The following GLIS3 variants were observed in gnomAD, a reference collection of about 807,000 sequenced individuals.
GLIS3 encodes the protein GLIS family zinc finger 3, also known as zinc finger protein GLIS3.
In GLIS3, 53 loss-of-function variants were observed where a neutral mutation model predicts 78.6. The observed-to-expected ratio is 0.67, with a 90% CI of 0.54 to 0.85. The LOEUF (loss-of-function observed/expected upper bound fraction) is 0.85, where lower values mean the gene tolerates loss of function less well. Among genes scored for constraint, GLIS3 ranks in the 40% least tolerant of loss-of-function variants. GLIS3 has a pLI of 0.00. For synonymous variants in GLIS3, 684 were observed against 509.9 expected (o/e 1.34, Z -4.60); for missense variants, 1,703 against 1,231.1 (o/e 1.38, Z -5.74).
chr9:4,350,764 A>C (rs1343311300), upstream of GLIS3, among the ~76,000 whole-genome samples: 2 of 146,058 alleles, frequency 1.4e-5, no homozygotes, highest in African/African-American at 2.6e-5. Flanking sequence ...TTCTACCCAA[A>C]ATGCCTTGGG....
intron 3 of GLIS3, among the ~76,000 whole-genome samples, chr9:4,122,827 G>C (rs1832288043): frequency 6.6e-6 from 1 of 152,134 alleles, no homozygotes. Context: ...CAGCACCTCA[G>C]CCTTGTCATT....
chr9:4,319,863 T>C (rs529373224), intron 2 of GLIS3, among the ~76,000 whole-genome samples: 10 of 152,310 alleles, frequency 6.6e-5, no homozygotes, highest in African/African-American at 1.9e-4. Context: ...ATCAGTAATA[T>C]GAGTAAACTA....
At chr9:4,236,184 C>CAAAAAAAAA (rs59839951) in intron 2 of GLIS3, among the ~76,000 whole-genome samples, 54 of 84,252 alleles carry the variant, frequency 6.4e-4, no homozygotes, top group African/African-American at 1.0e-3. Context: ...GTGGTTGTCA[C>CAAAAAAAAA]AAAAAAAAAA....
Position 3,894,744 on chromosome 9 carries a change from A to C in GLIS3, c.2128+3947T>G, listed in dbSNP as rs181901621. On this transcript the variant is annotated intron_variant, in intron 7 of 10. Transcript: ENST00000381971. ...ATTTTTTTTTTTTTCTTAAAAATCT[A>C]AGGTTACATTCAAAATTTGGATAAT... Among the ~76,000 whole-genome samples the C allele has an allele frequency of 5.4e-4, 82 of 152,104 alleles. No homozygotes were observed. The Middle Eastern group carries it at 0.014, about 25-fold the overall frequency.
chr9:4,219,791 G>A (rs977050801), intron 2 of GLIS3, among the ~76,000 whole-genome samples: 15 of 152,170 alleles, frequency 9.9e-5, no homozygotes, highest in African/African-American at 2.7e-4. Flanking sequence ...GCAGGTCCAC[G>A]CAGAGCAAAG....
At chr9:3,963,501 G>C (rs1817716865) in intron 4 of GLIS3, among the ~76,000 whole-genome samples, 1 of 152,106 alleles carries the variant, frequency 6.6e-6, no homozygotes, top group Non-Finnish European at 1.5e-5. Flanking sequence ...TTTGGTGCTT[G>C]GCCAAGTGGC....
chr9:4,316,494 A>G (rs551502860), intron 2 of GLIS3, among the ~76,000 whole-genome samples: 2 of 152,364 alleles, frequency 1.3e-5, no homozygotes, highest in East Asian at 3.9e-4. Context: ...TGAGAAAAAC[A>G]AAATCAGTTC....
rs982555657 is a variant in GLIS3, at chr9:4,228,773, T to A, written c.388+57265A>T. Among the ~76,000 whole-genome samples, 4 of 152,104 alleles carry A rather than the reference T, an allele frequency of 2.6e-5. 1 individual carries two copies. The highest frequency in any genetic ancestry group is 5.9e-5 in the Non-Finnish European group (4 of 68,026). On this transcript the variant is annotated intron_variant, in intron 2 of 10. Transcript: ENST00000381971. ...GCTTCCTCTCTACATACAGCCCAAA[T>A]ACAGAAATTGCTGGTGCCACCTATT...
the GLIS3 span, among the ~76,000 whole-genome samples, chr9:4,371,992 T>G: frequency 6.6e-6 from 1 of 152,210 alleles, no homozygotes; most frequent in Admixed American, 6.5e-5. Context: ...GTCAGCCCCC[T>G]TCTGGTCCAG....
At chr9:4,448,318 C>T in the GLIS3 span, among the ~76,000 whole-genome samples, 1 of 152,186 alleles carries the variant, frequency 6.6e-6, no homozygotes, top group African/African-American at 2.4e-5. Flanking sequence ...AACAAAGCCA[C>T]ACAAGTAGAG....
chr9:4,271,860 G>C (rs373217105), intron 2 of GLIS3, among the ~76,000 whole-genome samples: 1 of 152,172 alleles, frequency 6.6e-6, no homozygotes, highest in Non-Finnish European at 1.5e-5. Flanking sequence ...TGTGGGGTCG[G>C]AGCAAACCTG....
rs757964651 is a variant in GLIS3, at chr9:4,118,358, C to T, written c.1120G>A (p.Val374Met). The change falls in exon 4 of 11, where the codon GTG becomes ATG. Residue 374 changes from valine to methionine, a missense_variant. By Grantham distance (21) the Val-to-Met change is conservative (BLOSUM62 1). Coordinates refer to ENST00000381971, the MANE Select transcript of GLIS3 (RefSeq NM_001042413.2). This position sits in a 1 kb window ranked among gnomAD's most constrained non-coding sequence, Gnocchi z 4.7. The part of the protein sequence containing the change: ...PVPGSQKGVL[V>M]APGGLALPAY... ...GGCAGCGCCAGGCCTCCAGGGGCCA[C>T]CAGCACGCCCTTCTGGCTGCCGGGC... 6.3e-7 allele frequency: 1 copy of T among 1,586,318 alleles called. No homozygotes were observed. The highest frequency in any genetic ancestry group is 1.8e-5 in the Admixed American group (1 of 56,918).
chr9:3,846,356 G>C (rs1819040457), intron 9 of GLIS3, among the ~76,000 whole-genome samples: 1 of 152,162 alleles, frequency 6.6e-6, no homozygotes. Flanking sequence ...ATGAGTTAGG[G>C]CATGGTACTT....
At chr9:4,053,661 C>A (rs980513626) in intron 4 of GLIS3, among the ~76,000 whole-genome samples, 1 of 132,188 alleles carries the variant, frequency 7.6e-6, no homozygotes. Context: ...AGCTACAAGA[C>A]AGAGGAAGAG....
chr9:3,929,666 A>T (rs898818763), intron 6 of GLIS3, among the ~76,000 whole-genome samples: 2 of 152,182 alleles, frequency 1.3e-5, no homozygotes, highest in Non-Finnish European at 2.9e-5. Flanking sequence ...CCCATGACTA[A>T]CAGGGTGTGA....
At chr9:4,199,620 C>A (rs1189512758) in intron 2 of GLIS3, among the ~76,000 whole-genome samples, 1 of 151,326 alleles carries the variant, frequency 6.6e-6, no homozygotes, top group Admixed American at 6.6e-5. Context: ...ATCCTAAATA[C>A]ATATGCACCT....
chr9:4,264,809 T>C (rs1587216591), intron 2 of GLIS3, among the ~76,000 whole-genome samples: 1 of 152,110 alleles, frequency 6.6e-6, no homozygotes, highest in Non-Finnish European at 1.5e-5. Context: ...GAACATAAGG[T>C]GAGTGCAGTT....
chr9:3,917,739 T>C (rs1188434706), intron 6 of GLIS3, among the ~76,000 whole-genome samples: 2 of 152,170 alleles, frequency 1.3e-5, no homozygotes, highest in Non-Finnish European at 2.9e-5. Flanking sequence ...TTCTGACTTC[T>C]TTCAACCCCA....
At chr9:3,989,126 G>A (rs1309597962) in intron 4 of GLIS3, among the ~76,000 whole-genome samples, 1 of 152,094 alleles carries the variant, frequency 6.6e-6, no homozygotes, top group Non-Finnish European at 1.5e-5. Context: ...TATACAGACG[G>A]TAAATAAGCA....
Sources: gnomAD v4.1 joint callset for allele counts (sites outside exome capture counted in the v4.1 genomes callset) on GRCh38, gnomAD v4.1.1 for gene constraint, Gnocchi (gnomAD v3.1) non-coding constraint, MANE v1.5 for transcripts, NCBI Gene and HGNC (gene_info 2026-07-23, HGNC 2026-07-21) for gene names.